Variants in ANGPTL4 observed in about 807,000 individuals in gnomAD.
ANGPTL4 encodes the protein angiopoietin-related protein 4.
A neutral mutation model predicts 39.2 loss-of-function variants in ANGPTL4; 39 were observed. The observed-to-expected ratio is 1.00, with a 90% CI of 0.77 to 1.30. ANGPTL4 has a LOEUF of 1.30. Among genes scored for constraint, ANGPTL4 ranks in the 50% most tolerant of loss-of-function variants. The pLI is 0.00. For synonymous variants in ANGPTL4, 233 were observed against 229.5 expected, an observed-to-expected ratio of 1.02 and a Z score of -0.14; for missense variants, 545 against 549.8, an observed-to-expected ratio of 0.99 and a Z score of 0.09.
At position 8,374,052 on chromosome 19, in the gene ANGPTL4, G is replaced by T; in HGVS notation, c.*166G>T. 1.4e-6 allele frequency: 1 copy of T among 721,944 alleles called. No individual in the cohort carries two copies. The highest frequency in any genetic ancestry group is 1.7e-5 in the South Asian group (1 of 57,698). The allele number at this position is 721,944 out of a possible 1,614,324, so 44.7% of individuals were successfully genotyped here. A position where few individuals can be genotyped will look rare whatever the true frequency, so the allele number is the denominator to read the frequency against. ...TGGAGAAGCCCCCTTTCTGAGTGCAGGGGGGCTGCATGCGTTGCCTCCTGA... is the reference window on the plus strand; with the variant it reads ...TGGAGAAGCCCCCTTTCTGAGTGCATGGGGGCTGCATGCGTTGCCTCCTGA... On this transcript the variant is annotated 3_prime_UTR_variant, in exon 7 of 7. Coordinates refer to ENST00000301455, the MANE Select transcript of ANGPTL4 (RefSeq NM_139314.3).
rs191116083 is a variant in ANGPTL4 at position 8,366,346 on chromosome 19, C to T, written c.547+27C>T. On this transcript the variant is annotated intron_variant, in intron 3 of 6. Transcript: ENST00000301455. ...TGAGTGTCTGCCCCTCGATGCTCTC[C>T]GGTGGCCACCCCTACCCCGCCACTT... 1.1e-4 allele frequency: 177 copies of T among 1,605,852 alleles called. No individual in the cohort carries two copies. The East Asian group carries it at 3.2e-3, about 29-fold the overall frequency.
chr19:8,370,199 TC>T (rs928381317), intron 4 of ANGPTL4, among the ~76,000 whole-genome samples: 2 of 150,054 alleles, frequency 1.3e-5, no homozygotes, highest in African/African-American at 4.9e-5. Context: ...CGAGACTCCG[TC>T]CCCCCATCAA....
Position 8,364,408 on chromosome 19 carries a change from G to A in ANGPTL4, c.87G>A (p.Gln29=). The A allele has an allele frequency of 6.5e-7, 1 of 1,547,666 alleles. No individual in the cohort carries two copies. Among genetic ancestry groups the A allele is most frequent in the East Asian group, 2.4e-5 (1 of 41,554 alleles). Residue 29 remains glutamine, a synonymous_variant, in exon 1 of 7, where the codon CAG becomes CAA. Coordinates refer to ENST00000301455, the MANE Select transcript of ANGPTL4 (RefSeq NM_139314.3). ...VLLSAQGGPV[Q]SKSPRFASWD... ...TGAGCGCTCAGGGCGGACCCGTGCA[G>A]TCCAAGTCGCCGCGCTTTGCGTCCT... is the stretch of plus-strand genomic sequence containing the variant.
chr19:8,365,514 T>TA (rs1419313778), intron 1 of ANGPTL4, among the ~76,000 whole-genome samples: 1 of 147,532 alleles, frequency 6.8e-6, no homozygotes, highest in East Asian at 2.0e-4. Context: ...AAAATACAAA[T>TA]ACAAAAATTA....
chr19:8,370,054 T>G (rs1476333749), intron 4 of ANGPTL4, among the ~76,000 whole-genome samples: 2 of 151,502 alleles, frequency 1.3e-5, no homozygotes, highest in Non-Finnish European at 2.9e-5. Flanking sequence ...AATACAAAAA[T>G]TAGCCGGGCA....
intron 3 of ANGPTL4, among the ~76,000 whole-genome samples, chr19:8,368,046 T>G (rs1202071433): frequency 9.2e-6 from 1 of 108,580 alleles, no homozygotes; most frequent in African/African-American, 3.9e-5. Context: ...TGAGACAGAG[T>G]CTCACTCTGT....
At position 8,371,400 on chromosome 19, in the gene ANGPTL4, C is replaced by T. The variant is rs766213750; in HGVS notation, c.917C>T (p.Ala306Val). The change falls in exon 6 of 7, where the codon GCA becomes GTA. Residue 306 changes from alanine to valine, a missense_variant. By Grantham distance (64) the Ala-to-Val change is moderately conservative. Transcript: ENST00000301455. The surrounding 1 kb of genome is among the most constrained non-coding windows in gnomAD (Gnocchi z 5.1). ...EDTAYSLQLT[A>V]PVAGQLGATT... The stretch of plus-strand genomic sequence containing the variant: ...ACGGCCTATAGCCTGCAGCTCACTG[C>T]ACCCGTGGCCGGCCAGCTGGGCGCC... 2.5e-6 allele frequency: 4 copies of T among 1,613,390 alleles called. No individual in the cohort carries two copies. The African/African-American group carries it at 4.0e-5, about 16-fold the overall frequency.
In ANGPTL4 at chr19:8,364,260, G is replaced by T; in HGVS notation, c.-62G>T. 6.7e-7 allele frequency: 1 copy of T among 1,490,764 alleles called. No individual in the cohort carries two copies. 92.3% of individuals were successfully genotyped at this position (1,490,764 alleles called of 1,614,324 possible). On this transcript the variant is annotated 5_prime_UTR_variant, in exon 1 of 7. Coordinates refer to ENST00000301455, the MANE Select transcript of ANGPTL4 (RefSeq NM_139314.3). The stretch of plus-strand genomic sequence containing the variant: ...CCGGTCCTCCGCGTCTCCAGTCCTC[G>T]CACCTGGAACCCCAACGTCCCCGAG...
intron 6 of ANGPTL4, among the ~76,000 whole-genome samples, chr19:8,372,463 G>A (rs536734443): frequency 2.1e-5 from 3 of 140,590 alleles, no homozygotes; most frequent in Non-Finnish European, 3.0e-5. Context: ...GTGCGATCTC[G>A]GCTCACTGCA....
chr19:8,370,412 G>A (rs754441151), intron 4 of ANGPTL4, among the ~76,000 whole-genome samples: 1 of 150,670 alleles, frequency 6.6e-6, no homozygotes, highest in Non-Finnish European at 1.5e-5. Context: ...ACAAAACCTC[G>A]TTTCTAAAAA....
Position 8,364,209 on chromosome 19 carries a change from C to CTT in ANGPTL4, c.-112_-111dup, listed in dbSNP as rs1970945768. The CTT allele has an allele frequency of 1.8e-6, 2 of 1,114,822 alleles. No homozygotes were observed. Among genetic ancestry groups the CTT allele is most frequent in the Non-Finnish European group, 2.5e-6 (2 of 794,926 alleles). 69.1% of individuals were successfully genotyped at this position (1,114,822 alleles called of 1,614,324 possible). A position where few individuals can be genotyped will look rare whatever the true frequency, so the allele number is the denominator to read the frequency against. On this transcript the variant is annotated 5_prime_UTR_variant, in exon 1 of 7. Transcript: ENST00000301455. Reference sequence around the variant, plus strand: ...ACTGTGATCCGATTCTTTCCAGCGGCTTCTGCAACCAAGCGGGTCTTACCC... The same window carrying CTT: ...ACTGTGATCCGATTCTTTCCAGCGGCTTTTCTGCAACCAAGCGGGTCTTACCC...
At position 8,364,423 on chromosome 19, in the gene ANGPTL4, C is replaced by G; in HGVS notation, c.102C>G (p.Arg34=). Residue 34 remains arginine (R), a synonymous_variant, in exon 1 of 7, where the codon CGC becomes CGG. Transcript: ENST00000301455. The stretch of plus-strand genomic sequence containing the variant: ...GACCCGTGCAGTCCAAGTCGCCGCG[C>G]TTTGCGTCCTGGGACGAGATGAATG... ...QGGPVQSKSP[R]FASWDEMNVL... 1.3e-6 allele frequency: 2 copies of G among 1,550,388 alleles called. No homozygotes were observed. The highest frequency in any genetic ancestry group is 1.7e-6 in the Non-Finnish European group (2 of 1,150,290).
chr19:8,366,152 G>A, intron 2 of ANGPTL4, 50 bp from the exon 3 acceptor site: 5 of 1,611,062 alleles, frequency 3.1e-6, no homozygotes, highest in Non-Finnish European at 4.2e-6. Flanking sequence ...CGTGTGGCTG[G>A]GGACGTGGGG....
Position 8,364,237 on chromosome 19 carries a change from G to T in ANGPTL4, c.-85G>T. 7.2e-7 allele frequency: 1 copy of T among 1,393,022 alleles called. No individual in the cohort carries two copies. Among genetic ancestry groups the T allele is most frequent in the Non-Finnish European group, 9.7e-7 (1 of 1,036,218 alleles). 86.3% of individuals were successfully genotyped at this position (1,393,022 alleles called of 1,614,324 possible). ...CTGCAACCAAGCGGGTCTTACCCCC[G>T]GTCCTCCGCGTCTCCAGTCCTCGCA... On this transcript the variant is annotated 5_prime_UTR_variant, in exon 1 of 7. Coordinates refer to ENST00000301455, the MANE Select transcript of ANGPTL4 (RefSeq NM_139314.3).
intron 3 of ANGPTL4, among the ~76,000 whole-genome samples, chr19:8,367,063 C>G (rs1218240417): frequency 6.6e-6 from 1 of 152,138 alleles, no homozygotes; most frequent in South Asian, 2.1e-4. Context: ...TCCTTCCCTG[C>G]ATCTGTGGCT....
intron 1 of ANGPTL4, among the ~76,000 whole-genome samples, chr19:8,364,937 C>A (rs1420876018): frequency 6.6e-6 from 1 of 152,016 alleles, no homozygotes; most frequent in African/African-American, 2.4e-5. Flanking sequence ...CGACCGGGCG[C>A]AGTGGCTCAC....
intron 6 of ANGPTL4, among the ~76,000 whole-genome samples, chr19:8,372,161 A>T (rs1279708398): frequency 6.6e-6 from 1 of 151,778 alleles, no homozygotes; most frequent in East Asian, 1.9e-4. Flanking sequence ...GGTTCAAGTG[A>T]TTCTCCTGCC....
intron 3 of ANGPTL4, among the ~76,000 whole-genome samples, chr19:8,366,602 G>A (rs1218017846): frequency 6.6e-6 from 1 of 152,176 alleles, no homozygotes; most frequent in Non-Finnish European, 1.5e-5. Context: ...AGGTCTTGAG[G>A]GACTTGAGCT....
intron 6 of ANGPTL4, among the ~76,000 whole-genome samples, chr19:8,372,822 T>C (rs1971150587): frequency 6.6e-6 from 1 of 151,908 alleles, no homozygotes; most frequent in African/African-American, 2.4e-5. Context: ...GCAGGCATGG[T>C]GGCTCACACC....
Sources: gnomAD v4.1 joint callset for allele counts (sites outside exome capture counted in the v4.1 genomes callset) on GRCh38, gnomAD v4.1.1 for gene constraint, Gnocchi (gnomAD v3.1) non-coding constraint, MANE v1.5 for transcripts, NCBI Gene and HGNC (gene_info 2026-07-23, HGNC 2026-07-21) for gene names.